The following RPAP2 variants were observed in gnomAD, a reference collection of about 807,000 sequenced individuals.
The protein encoded by RPAP2 is RNA polymerase II associated protein 2.
In RPAP2, 52 loss-of-function variants were observed where a neutral mutation model predicts 73.1. The observed-to-expected ratio is 0.71, with a 90% CI of 0.57 to 0.90. The LOEUF (loss-of-function observed/expected upper bound fraction) is 0.90, where lower values mean the gene tolerates loss of function less well. RPAP2 is among the 40% of genes least tolerant of loss of function. The pLI is 0.00. For synonymous variants in RPAP2, 225 were observed against 242.1 expected, an observed-to-expected ratio of 0.93 and a Z score of 0.65; for missense variants, 598 against 701.8, an observed-to-expected ratio of 0.85 and a Z score of 1.67.
intron 11 of RPAP2, among the ~76,000 whole-genome samples, chr1:92,364,446 C>T (rs1250905731): frequency 6.6e-6 from 1 of 152,066 alleles, no homozygotes; most frequent in Non-Finnish European, 1.5e-5. Context: ...TGTGTTTCTC[C>T]CCCCAAAATG....
chr1:92,399,952 G>A lies in RPAP2; in HGVS notation c.*12941G>A, dbSNP rs1341565161. On this transcript the variant is annotated 3_prime_UTR_variant, in exon 13 of 13. Transcript: ENST00000610020. The stretch of plus-strand genomic sequence containing the variant: ...AAGAGTCTTGCTACTAGGAAAAAGA[G>A]TTTGAAAATCACTAGTCTAACTAAA... 6.6e-6 allele frequency: 1 copy of A among 152,118 alleles called. No homozygotes were observed. Among genetic ancestry groups the A allele is most frequent in the Non-Finnish European group, 1.5e-5 (1 of 68,008 alleles). 9.4% of individuals were successfully genotyped at this position (152,118 alleles called of 1,614,324 possible).
intron 11 of RPAP2, among the ~76,000 whole-genome samples, chr1:92,367,156 G>T (rs1054257651): frequency 6.6e-6 from 1 of 152,130 alleles, no homozygotes; most frequent in African/African-American, 2.4e-5. Context: ...AAAGCTTCAG[G>T]TACTTCAGCT....
chr1:92,374,042 G>A (rs1655288050), intron 11 of RPAP2, among the ~76,000 whole-genome samples: 1 of 152,172 alleles, frequency 6.6e-6, no homozygotes. Context: ...TTGTGCTGTT[G>A]TAGCATGAAA....
At chr1:92,350,631 A>G (rs1364333439) in intron 11 of RPAP2, among the ~76,000 whole-genome samples, 2 of 152,226 alleles carry the variant, frequency 1.3e-5, no homozygotes, top group Non-Finnish European at 2.9e-5. Context: ...AAAAATGTAT[A>G]TAAGTATATA....
At chr1:92,299,269 A>G in intron 1 of RPAP2, 123 bp downstream of exon 1, 1 of 516,892 alleles carries the variant, frequency 1.9e-6, no homozygotes, top group Non-Finnish European at 3.4e-6. Flanking sequence ...TCCCAGGTAG[A>G]GTAGGCCGAA....
At chr1:92,348,618 C>T (rs1390327953) in intron 11 of RPAP2, among the ~76,000 whole-genome samples, 1 of 152,106 alleles carries the variant, frequency 6.6e-6, no homozygotes, top group East Asian at 1.9e-4. Flanking sequence ...AGAAATTCCC[C>T]TTTAGCTTTT....
chr1:92,370,972 T>C (rs1005739640), intron 11 of RPAP2, among the ~76,000 whole-genome samples: 2 of 152,080 alleles, frequency 1.3e-5, no homozygotes, highest in African/African-American at 4.8e-5. Context: ...GAGTGTAAAT[T>C]AGTACAGCCA....
intron 11 of RPAP2, chr1:92,363,627 C>T (rs1460747146): frequency 8.5e-6 from 2 of 236,440 alleles, no homozygotes; most frequent in Admixed American, 4.8e-5. Flanking sequence ...TGTGCAAGTC[C>T]ACTTCTATGC....
At chr1:92,385,313 CAGA>C (rs1207190627) in intron 12 of RPAP2, among the ~76,000 whole-genome samples, 1 of 152,022 alleles carries the variant, frequency 6.6e-6, no homozygotes, top group Non-Finnish European at 1.5e-5. Context: ...TGTACATAAA[CAGA>C]TGATGTTAAA....
intron 10 of RPAP2, among the ~76,000 whole-genome samples, chr1:92,342,214 A>C (rs1337232014): frequency 6.6e-6 from 1 of 152,254 alleles, no homozygotes; most frequent in African/African-American, 2.4e-5. Context: ...TTCATTGAGA[A>C]GACACTGTTT....
rs140941947 is a variant in RPAP2, at chr1:92,301,510, A to T, written c.154A>T (p.Ile52Phe). The T allele has an allele frequency of 6.3e-7, 1 of 1,595,304 alleles. No individual in the cohort carries two copies. The highest frequency in any genetic ancestry group is 1.4e-5 in the African/African-American group (1 of 73,942). The change falls in exon 3 of 13, where the codon ATT becomes TTT. Residue 52 changes from isoleucine (I) to phenylalanine (F), a missense_variant. By Grantham distance (21) the Ile-to-Phe change is conservative (BLOSUM62 0). Around this residue, in one of 3 missense-constraint regions of RPAP2, gnomAD observed 506 missense variants for 612.8 expected, o/e 0.83. Transcript: ENST00000610020. ...ACTAGAAGCAGCTGTGAGAAAGAAG[A>T]TTGAATTTGAGAGAAAAGCTCTACA... ...AELEAAVRKK[I>F]EFERKALHIV...
chr1:92,323,694 C>T lies in RPAP2; in HGVS notation c.774C>T (p.Ser258=), dbSNP rs373435351. ...AGAAAGCTGGTCACAAAGCTAACTC[C>T]AAACACAAAGACAAAGAACAGACAG... ...MKKKAGHKAN[S]KHKDKEQTVV... Residue 258 remains serine (S), a synonymous_variant, in exon 8 of 13, where the codon TCC becomes TCT. Coordinates refer to ENST00000610020, the MANE Select transcript of RPAP2 (RefSeq NM_024813.3). The T allele has an allele frequency of 2.4e-5, 39 of 1,613,812 alleles. No individual in the cohort carries two copies. The highest frequency in any genetic ancestry group is 3.0e-5 in the Non-Finnish European group (35 of 1,179,970).
chr1:92,335,362 A>C (rs997538425), intron 9 of RPAP2, among the ~76,000 whole-genome samples: 4 of 152,194 alleles, frequency 2.6e-5, no homozygotes, highest in African/African-American at 7.2e-5. Context: ...GAAACTTTTT[A>C]TACTATCACA....
chr1:92,345,771 C>A (rs1653856761), intron 10 of RPAP2, 75 bp from the exon 11 acceptor site: 4 of 910,460 alleles, frequency 4.4e-6, no homozygotes, highest in South Asian at 1.5e-5. Context: ...TATTATAAAT[C>A]TGATGTTATC....
At chr1:92,316,088 A>G (rs988125744) in intron 6 of RPAP2, among the ~76,000 whole-genome samples, 5 of 152,224 alleles carry the variant, frequency 3.3e-5, no homozygotes, top group African/African-American at 1.2e-4. Context: ...AGTCTCCTGC[A>G]TTGTAATCTA....
At chr1:92,306,843 T>C (rs780705573) in intron 5 of RPAP2, among the ~76,000 whole-genome samples, 6 of 152,174 alleles carry the variant, frequency 3.9e-5, no homozygotes, top group Non-Finnish European at 5.9e-5. Flanking sequence ...AAGATAAGAA[T>C]GTATAACAAT....
chr1:92,324,263 G>C lies in RPAP2; in HGVS notation c.1343G>C (p.Ser448Thr). 1 of 1,614,040 alleles carries C rather than the reference G, an allele frequency of 6.2e-7. No homozygotes were observed. Among genetic ancestry groups the C allele is most frequent in the South Asian group, 1.1e-5 (1 of 91,076 alleles). Residue 448 changes from serine (S) to threonine (T), a missense_variant, in exon 8 of 13, where the codon AGT becomes ACT. This residue lies in a region of RPAP2 where 506 missense variants were observed against 612.8 expected (regional missense o/e 0.83). Transcript: ENST00000610020. ...GGTACAGCCATTAAACCACTGCCAAGTTACGAGAATTTGAAAAAAGAAACT... is the reference window on the plus strand; with the variant it reads ...GGTACAGCCATTAAACCACTGCCAACTTACGAGAATTTGAAAAAAGAAACT... ...GSGTAIKPLP[S>T]YENLKKETEK...
chr1:92,351,666 C>T (rs1006606826), intron 11 of RPAP2, among the ~76,000 whole-genome samples: 1 of 152,040 alleles, frequency 6.6e-6, no homozygotes, highest in African/African-American at 2.4e-5. Context: ...TGATGGTGAC[C>T]TAAAACTGAG....
In RPAP2 at chr1:92,392,134, A is replaced by T. The variant is rs1488854994; in HGVS notation, c.*5123A>T. The T allele has an allele frequency of 2.0e-5, 3 of 152,250 alleles. No individual in the cohort carries two copies. The highest frequency in any genetic ancestry group is 4.4e-5 in the Non-Finnish European group (3 of 68,052). 9.4% of individuals were successfully genotyped at this position (152,250 alleles called of 1,614,324 possible). A position where few individuals can be genotyped will look rare whatever the true frequency, so the allele number is the denominator to read the frequency against. On this transcript the variant is annotated 3_prime_UTR_variant, in exon 13 of 13. Transcript: ENST00000610020. ...ATGAACATCGATGCGAAAATCCTCAATAAAATACTGGCAAACCGAATCCAG... is the reference window on the plus strand; with the variant it reads ...ATGAACATCGATGCGAAAATCCTCATTAAAATACTGGCAAACCGAATCCAG...
Sources: allele counts gnomAD v4.1 joint callset (sites outside exome capture counted in the v4.1 genomes callset), GRCh38; gene constraint gnomAD v4.1.1; regional missense constraint gnomAD v4.1.1; transcripts MANE v1.5; gene names NCBI Gene and HGNC (gene_info 2026-07-23, HGNC 2026-07-21).